EXTL3: variants seen among roughly 807,000 people sequenced by gnomAD.
The protein encoded by EXTL3 is exostosin like glycosyltransferase 3, also known as exostosin-like 3.
Under a neutral mutation model 69.3 loss-of-function variants are expected in EXTL3, and 27 were observed. That is an observed-to-expected ratio of 0.39 (90% CI 0.29 to 0.54). The LOEUF is 0.54. Among genes scored for constraint, EXTL3 ranks in the 20% least tolerant of loss-of-function variants. EXTL3 has a pLI of 0.69. For missense variants in EXTL3, 1,003 were observed against 1,231.8 expected, an observed-to-expected ratio of 0.81 and a Z score of 2.78; for synonymous variants, 511 against 499.4, an observed-to-expected ratio of 1.02 and a Z score of -0.31.
chr8:28,711,181 C>T (rs886319322), intron 1 of EXTL3, among the ~76,000 whole-genome samples: 1 of 152,128 alleles, frequency 6.6e-6, no homozygotes, highest in African/African-American at 2.4e-5. Flanking sequence ...GTGGTGATAG[C>T]CCCTGTTTCA....
chr8:28,709,586 T>C (rs1752459181), intron 1 of EXTL3, among the ~76,000 whole-genome samples: 1 of 152,180 alleles, frequency 6.6e-6, no homozygotes, highest in African/African-American at 2.4e-5. Context: ...ATTTTCTGCA[T>C]ATAAAAAAAT....
chr8:28,716,267 G>A lies in EXTL3; in HGVS notation c.208G>A (p.Gly70Arg). Residue 70 changes from glycine to arginine, a missense_variant, in exon 3 of 7, where the codon GGG (glycine) becomes AGG (arginine). Gly to Arg is a moderately radical substitution (Grantham distance 125). Transcript: ENST00000220562. The surrounding 1 kb of genome is among the most constrained non-coding windows in gnomAD (Gnocchi z 7.1). The part of the protein sequence containing the change: ...AGKRIFGPRV[G>R]NELCEVKHVL... ...CAAGCGGATTTTTGGTCCCCGGGTG[G>A]GGAACGAGCTGTGCGAGGTGAAGCA... 1 of 1,614,232 alleles carries A rather than the reference G, an allele frequency of 6.2e-7. No homozygotes were observed. Among genetic ancestry groups the A allele is most frequent in the South Asian group, 1.1e-5 (1 of 91,086 alleles).
chr8:28,627,887 G>A lies in EXTL3; in HGVS notation c.-53+5077G>A, dbSNP rs546472603. 4.6e-5 allele frequency among the ~76,000 whole-genome samples: 7 copies of A among 152,230 alleles called. No homozygotes were observed. In the South Asian group the frequency reaches 1.5e-3, roughly 32 times the overall value. On this transcript the variant is annotated intron_variant, in intron 1 of 6. Coordinates refer to the EXTL3 transcript ENST00000523149. ...CGTATGAGGTCCCTAAAGCAGTCAAGCTCATAGAGACAGAAAGCATGGGGG... is the reference window on the plus strand; with the variant it reads ...CGTATGAGGTCCCTAAAGCAGTCAAACTCATAGAGACAGAAAGCATGGGGG...
intron 1 of EXTL3, among the ~76,000 whole-genome samples, chr8:28,650,968 T>C (rs971136989): frequency 6.6e-6 from 1 of 152,218 alleles, no homozygotes; most frequent in Non-Finnish European, 1.5e-5. Context: ...CTCCCTTATG[T>C]GAAAAGGGAG....
chr8:28,724,360 T>C (rs568443876), intron 3 of EXTL3, among the ~76,000 whole-genome samples: 1 of 152,368 alleles, frequency 6.6e-6, no homozygotes, highest in Admixed American at 6.5e-5. Context: ...CATCCCTGTG[T>C]AAAGTTATAA....
chr8:28,705,889 G>C (rs1368742773), intron 1 of EXTL3, among the ~76,000 whole-genome samples: 2 of 152,210 alleles, frequency 1.3e-5, no homozygotes, highest in African/African-American at 2.4e-5. Flanking sequence ...TAGGAAGAAT[G>C]CAGAAATCAC....
chr8:28,644,956 T>C (rs1180826529), intron 1 of EXTL3, among the ~76,000 whole-genome samples: 1 of 152,232 alleles, frequency 6.6e-6, no homozygotes, highest in Non-Finnish European at 1.5e-5. Context: ...TGATGGAGTT[T>C]TATTTCCCTA....
At chr8:28,631,260 T>G (rs1213416038) in intron 1 of EXTL3, 3 of 152,042 alleles carry the variant, frequency 2.0e-5, no homozygotes, top group Non-Finnish European at 4.4e-5. Flanking sequence ...CTCTGATGGT[T>G]TTTATACCAC....
At chr8:28,636,478 C>G (rs913817379) in intron 1 of EXTL3, among the ~76,000 whole-genome samples, 1 of 152,154 alleles carries the variant, frequency 6.6e-6, no homozygotes, top group Non-Finnish European at 1.5e-5. Flanking sequence ...CTAATAGCCT[C>G]TTGGTATCTG....
intron 5 of EXTL3, among the ~76,000 whole-genome samples, chr8:28,739,172 C>T (rs1027442854): frequency 3.3e-5 from 5 of 152,172 alleles, no homozygotes; most frequent in African/African-American, 4.8e-5. Flanking sequence ...AGCATATCTC[C>T]CGTTTGTCCC....
At chr8:28,625,748 G>C (rs760446273) in intron 1 of EXTL3, among the ~76,000 whole-genome samples, 1 of 152,044 alleles carries the variant, frequency 6.6e-6, no homozygotes, top group Non-Finnish European at 1.5e-5. Flanking sequence ...ATGTCTGCTC[G>C]TAGTGCTATC....
intron 6 of EXTL3, among the ~76,000 whole-genome samples, chr8:28,747,791 C>T (rs1422689020): frequency 2.0e-5 from 3 of 147,448 alleles, no homozygotes; most frequent in Admixed American, 6.9e-5. Flanking sequence ...TGCAGTGGCA[C>T]GATCTCAGGT....
chr8:28,749,034 CT>C lies in EXTL3; in HGVS notation c.2551-1622del, dbSNP rs1193562833. On this transcript the variant is annotated intron_variant, in intron 6 of 6. Coordinates refer to ENST00000220562, the MANE Select transcript of EXTL3 (RefSeq NM_001440.4). Reference sequence around the variant, plus strand: ...AAATCTGTTATAAGGAGAAATTACTCTCAGCAGAGGAAGTTCCCACTTAAGA... The same window carrying C: ...AAATCTGTTATAAGGAGAAATTACTCCAGCAGAGGAAGTTCCCACTTAAGA... 2.6e-5 allele frequency among the ~76,000 whole-genome samples: 4 copies of C among 152,302 alleles called. No individual in the cohort carries two copies. The East Asian group carries it at 7.7e-4, about 29-fold the overall frequency.
At chr8:28,727,152 C>T (rs916093849) in intron 3 of EXTL3, among the ~76,000 whole-genome samples, 1 of 152,128 alleles carries the variant, frequency 6.6e-6, no homozygotes, top group African/African-American at 2.4e-5. Flanking sequence ...TCCCAAAGTG[C>T]TGGGATTACA....
rs1053950689 is a variant in EXTL3, at chr8:28,755,061, C to T, written c.*4195C>T. On this transcript the variant is annotated 3_prime_UTR_variant, in exon 7 of 7. Coordinates refer to ENST00000220562, the MANE Select transcript of EXTL3 (RefSeq NM_001440.4). ...TATTTTAGGCTCTAATCCCACCATA[C>T]GGTGGCAAAAGTTGTGCCCATCTCT... The T allele has an allele frequency of 1.3e-5, 2 of 152,178 alleles. No individual in the cohort carries two copies. The highest frequency in any genetic ancestry group is 4.8e-5 in the African/African-American group (2 of 41,440). The allele number at this position is 152,178 out of a possible 1,614,324, so 9.4% of individuals were successfully genotyped here. A position where few individuals can be genotyped will look rare whatever the true frequency, so the allele number is the denominator to read the frequency against.
At chr8:28,728,437 T>G (rs1801459779) in intron 3 of EXTL3, among the ~76,000 whole-genome samples, 1 of 152,184 alleles carries the variant, frequency 6.6e-6, no homozygotes, top group African/African-American at 2.4e-5. Context: ...ACTTGGGAAT[T>G]TTTATGCTGG....
In EXTL3 at chr8:28,717,396, G is replaced by T. The variant is rs768434667; in HGVS notation, c.1337G>T (p.Gly446Val). The T allele has an allele frequency of 1.2e-6, 2 of 1,614,162 alleles. No individual in the cohort carries two copies. The highest frequency in any genetic ancestry group is 4.5e-5 in the East Asian group (2 of 44,862). Residue 446 changes from glycine to valine, a missense_variant, in exon 3 of 7, where the codon GGG becomes GTG. Gly to Val is a moderately radical substitution (Grantham distance 109). Transcript: ENST00000220562. The surrounding 1 kb of genome is among the most constrained non-coding windows in gnomAD (Gnocchi z 8.3). Reference sequence around the variant, plus strand: ...GACCCTCGCTTGGTTATTTCCTCTGGGTGTGCAACACGGCTCTTCGAAGCC... The same window carrying T: ...GACCCTCGCTTGGTTATTTCCTCTGTGTGTGCAACACGGCTCTTCGAAGCC... ...PGDPRLVISS[G>V]CATRLFEALE...
Position 28,746,081 on chromosome 8 carries a change from GT to G in EXTL3, c.2550+2868del, listed in dbSNP as rs1407341977. ...ATTTACCTAATTTTAATGGTATCAG[GT>G]ATATGTACTATTTTATGTTCAAAAA... On this transcript the variant is annotated intron_variant, in intron 6 of 6. Transcript: ENST00000220562. Among the ~76,000 whole-genome samples, 4 of 152,036 alleles carry G rather than the reference GT, an allele frequency of 2.6e-5. No homozygotes were observed. In the East Asian group the frequency reaches 7.7e-4, roughly 29 times the overall value.
At chr8:28,746,605 A>C (rs1298932208) in intron 6 of EXTL3, among the ~76,000 whole-genome samples, 6 of 152,160 alleles carry the variant, frequency 3.9e-5, no homozygotes, top group Admixed American at 1.3e-4. Context: ...CATTCTTTTT[A>C]AATTTTTTGC....
Sources: gnomAD v4.1 joint callset for allele counts (sites outside exome capture counted in the v4.1 genomes callset) on GRCh38, gnomAD v4.1.1 for gene constraint, Gnocchi (gnomAD v3.1) non-coding constraint, MANE v1.5 for transcripts, NCBI Gene and HGNC (gene_info 2026-07-23, HGNC 2026-07-21) for gene names.